Variants in XIRP2 observed in about 807,000 individuals in gnomAD.
The protein encoded by XIRP2 is xin actin binding repeat containing 2.
A neutral mutation model predicts 277.0 loss-of-function variants in XIRP2; 236 were observed. The observed-to-expected ratio is 0.85, with a 90% CI of 0.77 to 0.95. XIRP2 has a LOEUF of 0.95. Among genes scored for constraint, XIRP2 ranks in the 40% least tolerant of loss-of-function variants. The pLI is 0.00. For synonymous variants in XIRP2, 1,490 were observed against 1,416.5 expected, an observed-to-expected ratio of 1.05 and a Z score of -1.17; for missense variants, 4,640 against 4,157.5, an observed-to-expected ratio of 1.12 and a Z score of -3.19.
intron 2 of XIRP2, among the ~76,000 whole-genome samples, chr2:166,917,274 G>C (rs762628080): frequency 3.3e-5 from 5 of 152,118 alleles, no homozygotes; most frequent in Non-Finnish European, 5.9e-5. Context: ...ATGAGACAAA[G>C]AGCTGCAGTT....
At chr2:167,033,645 C>A (rs1574188646) in intron 2 of XIRP2, among the ~76,000 whole-genome samples, 1 of 151,750 alleles carries the variant, frequency 6.6e-6, no homozygotes, top group South Asian at 2.1e-4. Context: ...CAAAACAAAA[C>A]AAATAACATA....
chr2:166,972,086 C>A (rs1190017079), intron 2 of XIRP2, among the ~76,000 whole-genome samples: 2 of 152,054 alleles, frequency 1.3e-5, no homozygotes, highest in African/African-American at 4.8e-5. Context: ...CCCCCACCTC[C>A]CGCCCCATAA....
chr2:167,126,762 C>T (rs1379208121), intron 2 of XIRP2, among the ~76,000 whole-genome samples: 1 of 152,158 alleles, frequency 6.6e-6, no homozygotes, highest in Admixed American at 6.5e-5. Context: ...ATCTACATAT[C>T]CACACCTACA....
chr2:167,229,124 G>T (rs1001810496), intron 5 of XIRP2, among the ~76,000 whole-genome samples: 3 of 152,030 alleles, frequency 2.0e-5, no homozygotes, highest in Non-Finnish European at 4.4e-5. Context: ...AGTATTTGAT[G>T]TTAATAAAGA....
At chr2:167,057,726 A>G (rs1179716874) in intron 2 of XIRP2, among the ~76,000 whole-genome samples, 1 of 152,222 alleles carries the variant, frequency 6.6e-6, no homozygotes, top group African/African-American at 2.4e-5. Flanking sequence ...ATGAAAATAG[A>G]GACAACCATA....
At chr2:167,095,784 G>A (rs933058641) in intron 2 of XIRP2, among the ~76,000 whole-genome samples, 16 of 135,268 alleles carry the variant, frequency 1.2e-4, no homozygotes, top group Non-Finnish European at 2.2e-4. Context: ...CTTTTTTGTT[G>A]TGTCTCTGCT....
At chr2:166,921,030 GT>G (rs2105357435) in intron 2 of XIRP2, among the ~76,000 whole-genome samples, 1 of 152,146 alleles carries the variant, frequency 6.6e-6, no homozygotes, top group Admixed American at 6.5e-5. Flanking sequence ...CTAACAAGAA[GT>G]TTATTTTTCT....
chr2:167,226,407 C>A (rs1447855370), intron 5 of XIRP2, among the ~76,000 whole-genome samples: 1 of 152,130 alleles, frequency 6.6e-6, no homozygotes, highest in African/African-American at 2.4e-5. Flanking sequence ...GGATCCCATG[C>A]TCTTTTTTGT....
intron 2 of XIRP2, among the ~76,000 whole-genome samples, chr2:166,941,298 A>G (rs1197621039): frequency 6.6e-6 from 1 of 152,224 alleles, no homozygotes; most frequent in Non-Finnish European, 1.5e-5. Flanking sequence ...TCGGAAAAGC[A>G]CGGTATTAGG....
chr2:167,196,412 T>TTGTGTGTGTGTGTGTGTGTG (rs71031280), intron 3 of XIRP2, among the ~76,000 whole-genome samples: 16 of 141,884 alleles, frequency 1.1e-4, no homozygotes, highest in African/African-American at 3.9e-4. Context: ...GTCAAGAATT[T>TTGTGTGTGTGTGTGTGTGTG]TGTGTGTGTG....
chr2:167,239,870 A>G lies in XIRP2; in HGVS notation c.874A>G (p.Ser292Gly), dbSNP rs776415855. ...NRSEQEAIHS[S>G]QVGTSRSSQE... The stretch of plus-strand genomic sequence containing the variant: ...GTGCTTTCAGGAGGCAATTCATAGC[A>G]GCCAGGTTGGCACTTCAAGAAGCAG... The change falls in exon 6 of 11, where the codon AGC becomes GGC. Residue 292 changes from serine (S) to glycine (G), a missense_variant. Ser to Gly is a moderately conservative substitution (Grantham distance 56). Coordinates refer to ENST00000409195, the MANE Select transcript of XIRP2 (RefSeq NM_152381.6). 1.1e-5 allele frequency: 17 copies of G among 1,609,112 alleles called. No individual in the cohort carries two copies. Among genetic ancestry groups the G allele is most frequent in the Non-Finnish European group, 1.4e-5 (16 of 1,178,380 alleles).
intron 2 of XIRP2, among the ~76,000 whole-genome samples, chr2:166,980,945 G>A (rs567466458): frequency 4.6e-5 from 7 of 151,934 alleles, no homozygotes; most frequent in Non-Finnish European, 1.0e-4. Context: ...TGATCTCACA[G>A]TACATCCTTA....
intron 2 of XIRP2, among the ~76,000 whole-genome samples, chr2:167,085,462 C>T (rs931703149): frequency 6.6e-6 from 1 of 151,394 alleles, no homozygotes; most frequent in African/African-American, 2.4e-5. Context: ...ATTAGGTCTG[C>T]TTGGTGCAGA....
intron 3 of XIRP2, among the ~76,000 whole-genome samples, chr2:167,161,083 C>T (rs996007039): frequency 1.3e-5 from 2 of 152,212 alleles, no homozygotes; most frequent in Non-Finnish European, 1.5e-5. Flanking sequence ...CCCTGTCTCA[C>T]CTCCAGGTCA....
rs751714100 is a variant in XIRP2 at position 167,250,052 on chromosome 2, C to G, written c.8660C>G (p.Pro2887Arg). The G allele has an allele frequency of 1.2e-6, 2 of 1,613,330 alleles. No individual in the cohort carries two copies. Among genetic ancestry groups the G allele is most frequent in the African/African-American group, 2.7e-5 (2 of 74,796 alleles). ...AESKAEHKKL[P>R]QPYNSLQEEK... ...AGTAAAGCTGAACATAAAAAATTGC[C>G]CCAGCCATATAATAGTCTGCAGGAA... Residue 2887 changes from proline to arginine, a missense_variant, in exon 9 of 11, where the codon CCC becomes CGC. Pro to Arg is a moderately radical substitution (Grantham distance 103). Transcript: ENST00000409195.
intron 2 of XIRP2, among the ~76,000 whole-genome samples, chr2:166,968,732 G>A (rs1363975401): frequency 1.3e-5 from 2 of 151,742 alleles, no homozygotes; most frequent in Non-Finnish European, 2.9e-5. Flanking sequence ...AACCTTTAAA[G>A]GTAAAAAATT....
intron 2 of XIRP2, among the ~76,000 whole-genome samples, chr2:167,039,805 A>C (rs981480117): frequency 6.6e-6 from 1 of 152,238 alleles, no homozygotes; most frequent in Non-Finnish European, 1.5e-5. Flanking sequence ...ACTGTAACAA[A>C]CATATTGAAA....
intron 4 of XIRP2, 128 bp downstream of exon 4, chr2:167,211,023 T>C: frequency 8.6e-7 from 1 of 1,168,542 alleles, no homozygotes; most frequent in South Asian, 1.7e-5. Context: ...AAAAATAGTG[T>C]GTGAAATAAA....
chr2:167,099,204 C>T (rs968267060), intron 2 of XIRP2, among the ~76,000 whole-genome samples: 4 of 152,118 alleles, frequency 2.6e-5, no homozygotes, highest in South Asian at 2.1e-4. Context: ...ATGCCCTGCC[C>T]AGAAAGGAGG....
Sources: gnomAD v4.1 joint callset for allele counts (sites outside exome capture counted in the v4.1 genomes callset) on GRCh38, gnomAD v4.1.1 for gene constraint, MANE v1.5 for transcripts, NCBI Gene and HGNC (gene_info 2026-07-23, HGNC 2026-07-21) for gene names.